The following COL11A1 variants were observed in gnomAD, a reference collection of about 807,000 sequenced individuals.
COL11A1 encodes the protein collagen alpha-1(XI) chain.
In COL11A1, 74 loss-of-function variants were observed where a neutral mutation model predicts 265.2. The ratio of observed to expected loss-of-function variants is 0.28; its 90% confidence interval spans 0.23 to 0.34. The LOEUF is 0.34. Among genes scored for constraint, COL11A1 ranks in the 10% least tolerant of loss-of-function variants. The pLI is 1.00. For missense variants in COL11A1, 2,165 were observed against 2,263.6 expected (o/e 0.96, Z 0.88); for synonymous variants, 816 against 727.6 (o/e 1.12, Z -1.96).
At chr1:102,916,427 A>C (rs923438447) in intron 49 of COL11A1, among the ~76,000 whole-genome samples, 2 of 152,098 alleles carry the variant, frequency 1.3e-5, no homozygotes, top group African/African-American at 4.8e-5. Flanking sequence ...TTTAAGTAAA[A>C]CAATACATTC....
intron 54 of COL11A1, among the ~76,000 whole-genome samples, chr1:102,905,420 G>GAAA: frequency 2.9e-5 from 4 of 139,240 alleles, no homozygotes; most frequent in Non-Finnish European, 4.8e-5. Flanking sequence ...GAGAAAGGAA[G>GAAA]GAAGGAAGAA....
intron 59 of COL11A1, 136 bp from the exon 60 acceptor site, chr1:102,889,055 A>G: frequency 2.5e-6 from 2 of 810,908 alleles, no homozygotes; most frequent in Non-Finnish European, 4.2e-6. Context: ...AATGGCTTAA[A>G]CATTTTTCCA....
intron 4 of COL11A1, among the ~76,000 whole-genome samples, chr1:103,064,753 G>A (rs1244097802): frequency 6.6e-6 from 1 of 151,192 alleles, no homozygotes; most frequent in African/African-American, 2.4e-5. Context: ...ATATTACTTG[G>A]CGAAAGGGGC....
At chr1:102,907,120 T>C (rs931861389) in intron 54 of COL11A1, among the ~76,000 whole-genome samples, 2 of 152,120 alleles carry the variant, frequency 1.3e-5, no homozygotes, top group African/African-American at 2.4e-5. Context: ...TTTTCTATTA[T>C]ATGAAAATGA....
At chr1:103,070,793 T>G (rs1050825007) in intron 4 of COL11A1, among the ~76,000 whole-genome samples, 6 of 151,940 alleles carry the variant, frequency 3.9e-5, no homozygotes, top group Non-Finnish European at 7.4e-5. Context: ...GGAAAGGTTA[T>G]CTCCATCTTA....
rs1491303064 is a variant in COL11A1, at chr1:103,005,902, ATC to A, written c.1792-13_1792-12del. On this transcript the variant is annotated splice_polypyrimidine_tract_variant and intron_variant, in intron 17 of 66. Coordinates refer to ENST00000370096, the MANE Select transcript of COL11A1 (RefSeq NM_001854.4). Reference sequence around the variant, plus strand: ...AAACCCTCGATCTCCCTGTAAAACCATCATCATCATCATCATCATCATCATCA... The same window carrying A: ...AAACCCTCGATCTCCCTGTAAAACCAATCATCATCATCATCATCATCATCA... 7.3e-4 allele frequency: 31 copies of A among 42,682 alleles called. No homozygotes were observed. The South Asian group carries it at 0.011, about 15-fold the overall frequency. 2.6% of individuals were successfully genotyped at this position (42,682 alleles called of 1,614,324 possible).
intron 42 of COL11A1, among the ~76,000 whole-genome samples, chr1:102,940,723 TG>T (rs1281480749): frequency 6.6e-6 from 1 of 152,206 alleles, no homozygotes; most frequent in Non-Finnish European, 1.5e-5. Context: ...TTCTTACATT[TG>T]CAAAACTTTG....
At chr1:103,016,010 G>T (rs1666538511) in intron 11 of COL11A1, among the ~76,000 whole-genome samples, 1 of 152,026 alleles carries the variant, frequency 6.6e-6, no homozygotes, top group Admixed American at 6.6e-5. Flanking sequence ...AACTGTGTAA[G>T]ATGAAGAGTT....
At position 102,888,849 on chromosome 1, in the gene COL11A1, T is replaced by C; in HGVS notation, c.4518+17A>G. On this transcript the variant is annotated intron_variant, in intron 60 of 66. Transcript: ENST00000370096. Reference sequence around the variant, plus strand: ...AACTTAACCCTACCTTATAAGGTTATTTTGTCTTGTACTTACTGGTAAACC... The same window carrying C: ...AACTTAACCCTACCTTATAAGGTTACTTTGTCTTGTACTTACTGGTAAACC... 1 of 1,612,070 alleles carries C rather than the reference T, an allele frequency of 6.2e-7. No homozygotes were observed.
intron 1 of COL11A1, among the ~76,000 whole-genome samples, chr1:103,088,326 CA>C (rs1350919339): frequency 2.0e-5 from 3 of 149,864 alleles, no homozygotes; most frequent in Admixed American, 2.0e-4. Context: ...ATGAGAATAA[CA>C]AAAATATTTA....
intron 4 of COL11A1, among the ~76,000 whole-genome samples, chr1:103,044,420 C>A (rs1669085504): frequency 6.6e-6 from 1 of 152,058 alleles, no homozygotes; most frequent in African/African-American, 2.4e-5. Flanking sequence ...AGAAAATTAG[C>A]AGTGTCTTAT....
At chr1:103,046,036 G>A (rs1182356562) in intron 4 of COL11A1, among the ~76,000 whole-genome samples, 1 of 151,348 alleles carries the variant, frequency 6.6e-6, no homozygotes, top group African/African-American at 2.4e-5. Context: ...CATTTGGGTT[G>A]GTTCCAAGTC....
intron 1 of COL11A1, among the ~76,000 whole-genome samples, chr1:103,087,199 T>C (rs369833215): frequency 4.6e-5 from 7 of 152,374 alleles, no homozygotes; most frequent in African/African-American, 1.7e-4. Flanking sequence ...ACAAACCATG[T>C]GTATGCAATT....
intron 3 of COL11A1, 69 bp downstream of exon 3, chr1:103,078,589 T>A: frequency 6.9e-7 from 1 of 1,446,354 alleles, no homozygotes; most frequent in Non-Finnish European, 9.7e-7. Flanking sequence ...TTCATAAATA[T>A]TTGTTAAGTG....
intron 35 of COL11A1, among the ~76,000 whole-genome samples, chr1:102,977,521 ATAT>A (rs1662613026): frequency 6.6e-6 from 1 of 152,152 alleles, no homozygotes; most frequent in African/African-American, 2.4e-5. Flanking sequence ...TTGTAAGGAA[ATAT>A]TATTGATCAT....
intron 5 of COL11A1, among the ~76,000 whole-genome samples, chr1:103,030,696 G>A (rs922851634): frequency 2.0e-5 from 3 of 151,970 alleles, no homozygotes; most frequent in African/African-American, 7.2e-5. Context: ...AAAACTTTAA[G>A]ATAGTTCTAA....
intron 4 of COL11A1, among the ~76,000 whole-genome samples, chr1:103,052,086 AC>A (rs1400417476): frequency 6.6e-6 from 1 of 152,154 alleles, no homozygotes; most frequent in Non-Finnish European, 1.5e-5. Context: ...CCCAAGACCT[AC>A]CAGTTCTATT....
chr1:102,902,116 T>G (rs1467505039), intron 54 of COL11A1, among the ~76,000 whole-genome samples: 1 of 152,180 alleles, frequency 6.6e-6, no homozygotes, highest in Non-Finnish European at 1.5e-5. Context: ...TTCTAACACT[T>G]TACCTTCTGA....
chr1:103,093,492 A>T (rs771640608), intron 1 of COL11A1, among the ~76,000 whole-genome samples: 4 of 152,150 alleles, frequency 2.6e-5, no homozygotes, highest in Admixed American at 6.6e-5. Flanking sequence ...GAGCACCAGG[A>T]TTTAAGGTAA....
Sources: gnomAD v4.1 joint callset for allele counts (sites outside exome capture counted in the v4.1 genomes callset) on GRCh38, gnomAD v4.1.1 for gene constraint, MANE v1.5 for transcripts, NCBI Gene and HGNC (gene_info 2026-07-23, HGNC 2026-07-21) for gene names.